NUP214: variants seen among roughly 807,000 people sequenced by gnomAD.
NUP214 encodes nuclear pore complex protein Nup214.
In NUP214, 79 loss-of-function variants were observed where a neutral mutation model predicts 196.2. The observed-to-expected ratio is 0.40, with a 90% CI of 0.34 to 0.49. The LOEUF (loss-of-function observed/expected upper bound fraction) is 0.49, where lower values mean the gene tolerates loss of function less well. Ranked by LOEUF, NUP214 falls within the 20% of genes least tolerant of loss-of-function variation. NUP214 has a pLI of 0.58. For synonymous variants in NUP214, 1,020 were observed against 990.5 expected, an observed-to-expected ratio of 1.03 and a Z score of -0.56; for missense variants, 2,468 against 2,539.0, an observed-to-expected ratio of 0.97 and a Z score of 0.60.
At chr9:131,223,730 T>A (rs1564219767) in intron 32 of NUP214, among the ~76,000 whole-genome samples, 1 of 14,424 alleles carries the variant, frequency 6.9e-5, no homozygotes, top group African/African-American at 1.6e-4. Flanking sequence ...TTTATTTATT[T>A]TTTTTTTTTT....
At chr9:131,134,429 TAAG>T (rs1454448080) in intron 7 of NUP214, among the ~76,000 whole-genome samples, 3 of 152,210 alleles carry the variant, frequency 2.0e-5, no homozygotes, top group Non-Finnish European at 4.4e-5. Flanking sequence ...GGATTTCTAA[TAAG>T]GTTGAGTTTT....
rs1833479001 is a variant in NUP214 at position 131,187,309 on chromosome 9, C to T, written c.3440C>T (p.Thr1147Ile). ...TAMGSSVPYS[T>I]AKTPHPVLTP... ...TTCAGTTCTTCAGTGCCCTACTCCA[C>T]AGCCAAAACACCTCACCCAGTGTTG... The change falls in exon 25 of 36, where the codon ACA becomes ATA. Residue 1147 changes from threonine (T) to isoleucine (I), a missense_variant. Coordinates refer to ENST00000359428, the MANE Select transcript of NUP214 (RefSeq NM_005085.4). 2 of 1,613,570 alleles carry T rather than the reference C, an allele frequency of 1.2e-6. No homozygotes were observed. The highest frequency in any genetic ancestry group is 1.7e-6 in the Non-Finnish European group (2 of 1,179,828).
At position 131,125,862 on chromosome 9, in the gene NUP214, C is replaced by G; in HGVS notation, c.45+113C>G. The G allele has an allele frequency of 1.6e-6, 2 of 1,281,784 alleles. No homozygotes were observed. The highest frequency in any genetic ancestry group is 1.5e-5 in the African/African-American group (1 of 66,702). The allele number at this position is 1,281,784 out of a possible 1,614,324, so 79.4% of individuals were successfully genotyped here. ...TCCCGCCTCCTGCTTGAACAGTTTA[C>G]CGCGTTCACAGCTCTCACCAGCGCG... On this transcript the variant is annotated intron_variant, in intron 1 of 35. Coordinates refer to ENST00000359428, the MANE Select transcript of NUP214 (RefSeq NM_005085.4). The surrounding 1 kb of genome is among the most constrained non-coding windows in gnomAD (Gnocchi z 4.1).
intron 31 of NUP214, among the ~76,000 whole-genome samples, chr9:131,218,677 A>G (rs2131087057): frequency 6.6e-6 from 1 of 152,062 alleles, no homozygotes; most frequent in Admixed American, 6.5e-5. Context: ...TTGTGGTCTG[A>G]AAATCCATGC....
intron 32 of NUP214, among the ~76,000 whole-genome samples, chr9:131,223,765 C>T (rs747878177): frequency 9.4e-4 from 12 of 12,702 alleles, no homozygotes; most frequent in South Asian, 4.8e-3. Context: ...GACGGAGTCT[C>T]GCTCTGTCGC....
Position 131,197,203 on chromosome 9 carries a change from T to C in NUP214, c.3722-13T>C. On this transcript the variant is annotated splice_polypyrimidine_tract_variant and intron_variant, in intron 28 of 35. Transcript: ENST00000359428. ...TAAATCCAACCCATTTTCTGATTTC[T>C]TTTTCTTGCTAGGGGCAACACCCTC... is the stretch of plus-strand genomic sequence containing the variant. 1 of 1,607,328 alleles carries C rather than the reference T, an allele frequency of 6.2e-7. No homozygotes were observed. Among genetic ancestry groups the C allele is most frequent in the Non-Finnish European group, 8.5e-7 (1 of 1,175,182 alleles).
chr9:131,213,080 A>G (rs536137943), intron 30 of NUP214, among the ~76,000 whole-genome samples: 1 of 152,230 alleles, frequency 6.6e-6, no homozygotes, highest in East Asian at 1.9e-4. Context: ...TCTCTCACCC[A>G]TTTATGAGGA....
intron 17 of NUP214, among the ~76,000 whole-genome samples, chr9:131,153,986 A>G (rs1311345517): frequency 6.6e-6 from 1 of 152,184 alleles, no homozygotes; most frequent in Non-Finnish European, 1.5e-5. Context: ...AGGCTTTAAA[A>G]GAAGAATTGT....
chr9:131,231,370 T>A (rs1197218012), intron 34 of NUP214, among the ~76,000 whole-genome samples: 2 of 152,078 alleles, frequency 1.3e-5, no homozygotes, highest in Non-Finnish European at 2.9e-5. Context: ...TTTTTGTGTT[T>A]TTAGTAGAGA....
intron 8 of NUP214, chr9:131,135,293 A>G (rs1831689125): frequency 3.1e-6 from 1 of 327,494 alleles, no homozygotes; most frequent in African/African-American, 2.1e-5. Context: ...TTGTTTTTAG[A>G]GATGGGATCT....
At position 131,135,917 on chromosome 9, in the gene NUP214, G is replaced by C. The variant is rs760064094; in HGVS notation, c.939-23G>C. The C allele has an allele frequency of 7.5e-6, 12 of 1,606,094 alleles. No individual in the cohort carries two copies. In the East Asian group the frequency reaches 2.5e-4, roughly 33 times the overall value. On this transcript the variant is annotated intron_variant, in intron 8 of 35. Coordinates refer to ENST00000359428, the MANE Select transcript of NUP214 (RefSeq NM_005085.4). ...AACTATTGCTGTATTTGAACGTAAT[G>C]GTCTCTGGTTTTATTCTTTAAGGGA...
Position 131,150,097 on chromosome 9 carries a change from G to A in NUP214, c.2041-227G>A. ...TTTTATTATTCAACATGTCCCAGTA[G>A]GAGGTAAGTTCCATAAGAGTTGGGC... On this transcript the variant is annotated intron_variant, in intron 14 of 35. Transcript: ENST00000359428. The A allele has an allele frequency of 6.8e-6, 3 of 442,846 alleles. No homozygotes were observed. In the East Asian group the frequency reaches 1.0e-4, roughly 15 times the overall value. 27.4% of individuals were successfully genotyped at this position (442,846 alleles called of 1,614,324 possible).
chr9:131,201,732 G>C lies in NUP214; in HGVS notation c.5592+15G>C, dbSNP rs368776996. ...TCTTTGGCCAGGTAAATATGCATTTGTCTTCATTCACGTCAACATGTATCA... is the reference window on the plus strand; with the variant it reads ...TCTTTGGCCAGGTAAATATGCATTTCTCTTCATTCACGTCAACATGTATCA... On this transcript the variant is annotated intron_variant, in intron 30 of 35. Coordinates refer to ENST00000359428, the MANE Select transcript of NUP214 (RefSeq NM_005085.4). 2.4e-5 allele frequency: 38 copies of C among 1,606,952 alleles called. No homozygotes were observed. In the African/African-American group the frequency reaches 4.5e-4, roughly 19 times the overall value.
chr9:131,204,483 T>C (rs749557582), intron 30 of NUP214, among the ~76,000 whole-genome samples: 25 of 152,054 alleles, frequency 1.6e-4, no homozygotes, highest in Non-Finnish European at 3.1e-4. Context: ...ACGCTGCCAT[T>C]GTAGTGCAGA....
intron 30 of NUP214, among the ~76,000 whole-genome samples, chr9:131,207,739 T>C (rs948201375): frequency 2.6e-5 from 4 of 152,172 alleles, no homozygotes. Context: ...ATGGGACCAT[T>C]GAAGAGTGGC....
intron 32 of NUP214, among the ~76,000 whole-genome samples, chr9:131,225,130 A>T (rs1834686131): frequency 6.6e-6 from 1 of 152,128 alleles, no homozygotes; most frequent in Non-Finnish European, 1.5e-5. Flanking sequence ...CCTAATTCAG[A>T]CACTGGGTAC....
chr9:131,158,551 A>G (rs1177305660), intron 17 of NUP214, among the ~76,000 whole-genome samples: 1 of 152,238 alleles, frequency 6.6e-6, no homozygotes, highest in Non-Finnish European at 1.5e-5. Context: ...TTGCAAACAA[A>G]TGAGTATTTC....
At chr9:131,143,611 A>G (rs989843245) in intron 11 of NUP214, among the ~76,000 whole-genome samples, 4 of 146,438 alleles carry the variant, frequency 2.7e-5, no homozygotes, top group African/African-American at 9.9e-5. Context: ...GAGAGATTGA[A>G]TGTGTTTTCT....
At chr9:131,185,079 G>A (rs879489749) in intron 24 of NUP214, among the ~76,000 whole-genome samples, 5 of 152,218 alleles carry the variant, frequency 3.3e-5, no homozygotes, top group Non-Finnish European at 7.3e-5. Flanking sequence ...GTTACAAGAA[G>A]TTGAGGCTTT....
Sources: allele counts gnomAD v4.1 joint callset (sites outside exome capture counted in the v4.1 genomes callset), GRCh38; gene constraint gnomAD v4.1.1; non-coding constraint Gnocchi (gnomAD v3.1); transcripts MANE v1.5; gene names NCBI Gene and HGNC (gene_info 2026-07-23, HGNC 2026-07-21).